MYT1: variants seen among roughly 807,000 people sequenced by gnomAD.
The protein encoded by MYT1 is myelin transcription factor I.
MYT1 carries 23 observed loss-of-function variants against 123.0 expected under a neutral mutation model. The observed-to-expected ratio is 0.19, with a 90% CI of 0.13 to 0.26. MYT1 has a LOEUF of 0.26. Ranked by LOEUF, MYT1 falls within the 10% of genes least tolerant of loss-of-function variation. The pLI is 1.00. For synonymous variants in MYT1, 518 were observed against 575.3 expected (o/e 0.90, Z 1.43); for missense variants, 1,125 against 1,472.5 (o/e 0.76, Z 3.86).
chr20:64,224,285 C>T (rs1275025277), intron 16 of MYT1, among the ~76,000 whole-genome samples: 2 of 152,324 alleles, frequency 1.3e-5, no homozygotes, highest in East Asian at 3.9e-4. Context: ...GTCAACACAC[C>T]CTGGCTTATT....
At position 64,232,075 on chromosome 20, in the gene MYT1, G is replaced by A. The variant is rs1984335850; in HGVS notation, c.2676-89G>A. The A allele has an allele frequency of 1.5e-6, 2 of 1,356,578 alleles. No individual in the cohort carries two copies. Among genetic ancestry groups the A allele is most frequent in the East Asian group, 2.4e-5 (1 of 42,032 alleles). 84.0% of individuals were successfully genotyped at this position (1,356,578 alleles called of 1,614,324 possible). ...GAAGCCCTTTAACGGCTCTGAGTTG[G>A]GCTCCCCTTGTGTCTGGCTTGAGAG... is the stretch of plus-strand genomic sequence containing the variant. On this transcript the variant is annotated intron_variant, in intron 18 of 22. Transcript: ENST00000328439. The surrounding 1 kb of genome is among the most constrained non-coding windows in gnomAD (Gnocchi z 6.9).
rs374799121 is a variant in MYT1 at position 64,197,591 on chromosome 20, T to C, written c.1-1271T>C. On this transcript the variant is annotated intron_variant, in intron 2 of 22. Coordinates refer to ENST00000328439, the MANE Select transcript of MYT1 (RefSeq NM_004535.3). The stretch of plus-strand genomic sequence containing the variant: ...GGTGGTGGAGTCCAGTGCTCTCCTC[T>C]TGGGCCTCCCCTGTCCGGCTAGAGG... 3.9e-5 allele frequency among the ~76,000 whole-genome samples: 6 copies of C among 152,222 alleles called. No homozygotes were observed. The East Asian group carries it at 9.6e-4, about 24-fold the overall frequency.
In MYT1 at chr20:64,227,912, G is replaced by A; in HGVS notation, c.2616G>A (p.Lys872=). The A allele has an allele frequency of 2.5e-6, 4 of 1,613,922 alleles. No individual in the cohort carries two copies. Among genetic ancestry groups the A allele is most frequent in the Non-Finnish European group, 3.4e-6 (4 of 1,179,930 alleles). ...GCTTGTCCGGCTGCCCTCGTGCAAA[G>A]AAAAGTGGAGTCAAGGTGGCACCCA... ...HRSLSGCPRA[K]KSGVKVAPTK... The change falls in exon 18 of 23, where the codon AAG becomes AAA. Residue 872 remains lysine, a synonymous_variant. Transcript: ENST00000328439.
intron 1 of MYT1, among the ~76,000 whole-genome samples, chr20:64,188,798 T>G (rs1323949355): frequency 1.3e-5 from 2 of 152,140 alleles, no homozygotes; most frequent in African/African-American, 2.4e-5. Context: ...CGCAGCTCCC[T>G]CCTCACTAGT....
chr20:64,207,982 G>GGAGGAGGAGGAGGAGGAA lies in MYT1; in HGVS notation c.804_821dup (p.Glu268_Glu273dup), dbSNP rs763389436. Reference sequence around the variant, plus strand: ...TCCTGAGTCACGAAGAGGAGGACGAGGAGGAGGAGGAGGAGGAAGAGGAGG... The same window carrying GGAGGAGGAGGAGGAGGAA: ...TCCTGAGTCACGAAGAGGAGGACGAGGAGGAGGAGGAGGAGGAAGAGGAGGAGGAGGAGGAAGAGGAGG... On this transcript the variant is annotated inframe_insertion, in exon 7 of 23. Coordinates refer to ENST00000328439, the MANE Select transcript of MYT1 (RefSeq NM_004535.3). 1 of 1,351,158 alleles carries GGAGGAGGAGGAGGAGGAA rather than the reference G, an allele frequency of 7.4e-7. No individual in the cohort carries two copies. The highest frequency in any genetic ancestry group is 2.6e-5 in the East Asian group (1 of 38,232). The allele number at this position is 1,351,158 out of a possible 1,614,324, so 83.7% of individuals were successfully genotyped here.
chr20:64,197,146 T>C (rs990188992), intron 2 of MYT1, among the ~76,000 whole-genome samples: 2 of 152,258 alleles, frequency 1.3e-5, no homozygotes, highest in African/African-American at 4.8e-5. Flanking sequence ...AAGGCTGTAA[T>C]AAACGCACGG....
At position 64,200,598 on chromosome 20, in the gene MYT1, G is replaced by C. The variant is rs1294251078; in HGVS notation, c.86+676G>C. Among the ~76,000 whole-genome samples, 4 of 152,174 alleles carry C rather than the reference G, an allele frequency of 2.6e-5. No individual in the cohort carries two copies. In the East Asian group the frequency reaches 7.7e-4, roughly 29 times the overall value. On this transcript the variant is annotated intron_variant, in intron 4 of 22. Transcript: ENST00000328439. ...GAGGCCCCGTAACTTGGAGATGAAG[G>C]GGGAGGACTACGGGAGGGAGTTGGG... is the stretch of plus-strand genomic sequence containing the variant.
intron 1 of MYT1, among the ~76,000 whole-genome samples, chr20:64,180,174 T>C (rs1017031552): frequency 1.3e-5 from 2 of 151,948 alleles, no homozygotes; most frequent in African/African-American, 4.8e-5. Context: ...CACAGTTACA[T>C]GCATGCTCTA....
intron 21 of MYT1, among the ~76,000 whole-genome samples, chr20:64,237,790 C>T (rs909278178): frequency 1.3e-5 from 2 of 152,262 alleles, no homozygotes; most frequent in South Asian, 2.1e-4. Flanking sequence ...GAGCGTGGTG[C>T]GGTAGAGCCA....
chr20:64,239,645 C>G, intron 21 of MYT1, 115 bp from the exon 22 acceptor site: 5 of 1,464,234 alleles, frequency 3.4e-6, no homozygotes, highest in Non-Finnish European at 4.6e-6. Context: ...CCTGCCTCTT[C>G]CCCCACCCCA....
chr20:64,214,116 G>A (rs1983766381), intron 10 of MYT1, among the ~76,000 whole-genome samples: 1 of 152,236 alleles, frequency 6.6e-6, no homozygotes, highest in African/African-American at 2.4e-5. Flanking sequence ...CCCAGGGATA[G>A]ACCCCAAGTC....
rs1423432502 is a variant in MYT1, at chr20:64,218,199, C to G, written c.1847-712C>G. ...CTTGGATGAGGGAATGCAATGGTGC[C>G]AGTGGAGAGGGGGACCTCACGATAA... On this transcript the variant is annotated intron_variant, in intron 11 of 22. Coordinates refer to ENST00000328439, the MANE Select transcript of MYT1 (RefSeq NM_004535.3). This position sits in a 1 kb window ranked among gnomAD's most constrained non-coding sequence, Gnocchi z 4.0. Among the ~76,000 whole-genome samples, 1 of 152,192 alleles carries G rather than the reference C, an allele frequency of 6.6e-6. No homozygotes were observed. The highest frequency in any genetic ancestry group is 1.5e-5 in the Non-Finnish European group (1 of 68,038).
intron 7 of MYT1, among the ~76,000 whole-genome samples, chr20:64,210,937 G>T (rs6062665): frequency 0.13 from 19,732 of 152,264 alleles, 1,374 homozygotes; most frequent in South Asian, 0.17. Flanking sequence ...GGACTCCAGC[G>T]GCCGTCTGGG....
chr20:64,227,790 C>T, intron 17 of MYT1, 98 bp from the exon 18 acceptor site: 1 of 1,045,758 alleles, frequency 9.6e-7, no homozygotes, highest in Non-Finnish European at 1.4e-6. Context: ...CCACCCCACC[C>T]TGGGGTCACA....
chr20:64,199,753 G>A (rs904363446), intron 3 of MYT1, 139 bp from the exon 4 acceptor site: 7 of 960,396 alleles, frequency 7.3e-6, no homozygotes, highest in African/African-American at 3.2e-5. Flanking sequence ...CTGGGGAAAC[G>A]GCTCAGGTCT....
intron 1 of MYT1, among the ~76,000 whole-genome samples, chr20:64,172,449 C>T (rs1982314355): frequency 6.6e-6 from 1 of 152,232 alleles, no homozygotes; most frequent in Admixed American, 6.5e-5. Flanking sequence ...CGTGTGGGCT[C>T]ATCCTGACCC....
At chr20:64,211,535 T>G (rs1386362252) in intron 8 of MYT1, among the ~76,000 whole-genome samples, 195 bp downstream of exon 8, 2 of 152,214 alleles carry the variant, frequency 1.3e-5, no homozygotes, top group African/African-American at 4.8e-5. Context: ...CCTTTGAGGC[T>G]GGGGCCCTGC....
intron 8 of MYT1, 51 bp from the exon 9 acceptor site, chr20:64,211,997 C>T: frequency 2.0e-6 from 3 of 1,505,434 alleles, no homozygotes; most frequent in Non-Finnish European, 2.8e-6. Context: ...AGCTGGCGCT[C>T]CCCAGATTCT....
At chr20:64,188,918 A>G (rs891157533) in intron 1 of MYT1, among the ~76,000 whole-genome samples, 2 of 152,234 alleles carry the variant, frequency 1.3e-5, no homozygotes, top group African/African-American at 4.8e-5. Flanking sequence ...TAGGTGCCGA[A>G]TCTGAGTGGT....
Sources: gnomAD v4.1 joint callset for allele counts (sites outside exome capture counted in the v4.1 genomes callset) on GRCh38, gnomAD v4.1.1 for gene constraint, Gnocchi (gnomAD v3.1) non-coding constraint, MANE v1.5 for transcripts, NCBI Gene and HGNC (gene_info 2026-07-23, HGNC 2026-07-21) for gene names.